The following KALRN variants were observed in gnomAD, a reference collection of about 807,000 sequenced individuals.
KALRN encodes the protein kalirin RhoGEF kinase.
In KALRN, 70 loss-of-function variants were observed where a neutral mutation model predicts 353.7. The ratio of observed to expected loss-of-function variants is 0.20; its 90% CI spans 0.16 to 0.24. The LOEUF (loss-of-function observed/expected upper bound fraction) is 0.24. Ranked by LOEUF, KALRN falls within the 10% of genes least tolerant of loss-of-function variation. KALRN has a pLI of 1.00. For synonymous variants in KALRN, 1,391 were observed against 1,434.8 expected, an observed-to-expected ratio of 0.97 and a Z score of 0.69; for missense variants, 2,791 against 3,756.7, an observed-to-expected ratio of 0.74 and a Z score of 6.72.
chr3:124,488,385 G>A, intron 29 of KALRN, 70 bp downstream of exon 29: 2 of 1,034,876 alleles, frequency 1.9e-6, no homozygotes, highest in Non-Finnish European at 3.1e-6. Flanking sequence ...ATCATGGGAG[G>A]GAAGTGGCAT....
intron 1 of KALRN, chr3:124,152,647 G>A: frequency 1.7e-6 from 1 of 572,902 alleles, no homozygotes; most frequent in Non-Finnish European, 3.0e-6. Flanking sequence ...AGGCTGGAGT[G>A]CAGTGGTGCA....
chr3:124,170,200 T>C (rs2071535981), intron 1 of KALRN, among the ~76,000 whole-genome samples: 1 of 152,226 alleles, frequency 6.6e-6, no homozygotes, highest in South Asian at 2.1e-4. Context: ...CCAAGGAACC[T>C]TTAGCGCCTT....
At chr3:124,411,959 G>A (rs1445225825) in intron 13 of KALRN, among the ~76,000 whole-genome samples, 2 of 152,146 alleles carry the variant, frequency 1.3e-5, no homozygotes, top group East Asian at 3.9e-4. Context: ...CTGAAAAGAT[G>A]TGGGGTGTGA....
In KALRN at chr3:124,513,116, CTTTG is replaced by C. The variant is rs533151220; in HGVS notation, c.4935+16708_4935+16711del. On this transcript the variant is annotated intron_variant, in intron 33 of 59. Coordinates refer to ENST00000682506, the MANE Select transcript of KALRN (RefSeq NM_001388419.1). ...AGGTTGTGAGCTGAAGAACTGGCAA[CTTTG>C]TTTGGTTGTGAAGGTCAGGAGCCTT... Among the ~76,000 whole-genome samples, 231 of 152,034 alleles carry C rather than the reference CTTTG, an allele frequency of 1.5e-3. 1 individual carries two copies. The highest frequency in any genetic ancestry group is 0.014 in the Middle Eastern group (4 of 294).
intron 3 of KALRN, among the ~76,000 whole-genome samples, chr3:124,259,980 G>C (rs1355001595): frequency 1.3e-5 from 2 of 152,132 alleles, no homozygotes; most frequent in Non-Finnish European, 2.9e-5. Context: ...TAATCTGTCT[G>C]AATCACCTGA....
At chr3:124,469,713 C>G (rs567322021) in intron 25 of KALRN, among the ~76,000 whole-genome samples, 43 of 152,260 alleles carry the variant, frequency 2.8e-4, no homozygotes, top group African/African-American at 8.9e-4. Context: ...TCCTCTTTTT[C>G]CCGTTGCCAC....
chr3:124,382,178 G>A (rs765960783), intron 10 of KALRN, among the ~76,000 whole-genome samples: 11 of 152,140 alleles, frequency 7.2e-5, no homozygotes, highest in East Asian at 1.9e-4. Context: ...GGGTTATTGC[G>A]AGGATTAAAG....
intron 1 of KALRN, among the ~76,000 whole-genome samples, chr3:124,053,572 A>G (rs2041242784): frequency 6.6e-6 from 1 of 152,218 alleles, no homozygotes; most frequent in South Asian, 2.1e-4. Context: ...AAAAGGGTTT[A>G]GCACTGCTCC....
intron 1 of KALRN, chr3:124,096,755 T>G (rs112655024): frequency 3.3e-5 from 5 of 152,318 alleles, no homozygotes; most frequent in African/African-American, 1.2e-4. Flanking sequence ...TCTTAAAAAT[T>G]GGAATATTAA....
chr3:124,471,371 C>T (rs1301037008), intron 25 of KALRN, among the ~76,000 whole-genome samples: 7 of 151,426 alleles, frequency 4.6e-5, no homozygotes, highest in African/African-American at 1.5e-4. Context: ...TGCAACCCTC[C>T]GCCTCCCAGG....
At chr3:124,603,855 A>T (rs569994726) in intron 34 of KALRN, among the ~76,000 whole-genome samples, 31 of 152,308 alleles carry the variant, frequency 2.0e-4, no homozygotes, top group Admixed American at 1.9e-3. Flanking sequence ...GTATCTAACT[A>T]TGCCCTCCCA....
chr3:124,221,175 C>T (rs1287303106), intron 1 of KALRN, among the ~76,000 whole-genome samples: 1 of 152,212 alleles, frequency 6.6e-6, no homozygotes, highest in Non-Finnish European at 1.5e-5. Context: ...TGAGTAAAAC[C>T]CCTTCATCCA....
At chr3:124,184,575 A>G (rs1350042300) in intron 1 of KALRN, among the ~76,000 whole-genome samples, 1 of 152,140 alleles carries the variant, frequency 6.6e-6, no homozygotes, top group South Asian at 2.1e-4. Flanking sequence ...AAAACTGCAC[A>G]TTCCTGAAGA....
chr3:124,667,168 C>T lies in KALRN; in HGVS notation c.6688C>T (p.Arg2230Ter). 1 of 1,613,752 alleles carries T rather than the reference C, an allele frequency of 6.2e-7. No homozygotes were observed. Among genetic ancestry groups the T allele is most frequent in the Non-Finnish European group, 8.5e-7 (1 of 1,179,776 alleles). The change falls in exon 47 of 60, where the codon CGA (arginine) becomes TGA (stop). Residue 2230 changes from arginine to a stop codon, truncating the protein, a stop_gained. Coordinates refer to ENST00000682506, the MANE Select transcript of KALRN (RefSeq NM_001388419.1). LOFTEE classifies it high-confidence loss of function. ...QDINQVLETQRDFLNALQSPI... is the reference protein window; with the variant it reads ...QDINQVLETQ Reference sequence around the variant, plus strand: ...CATCAATCAAGTCTTAGAAACACAGCGAGACTTTTTGAATGGTGGGTGCTG... The same window carrying T: ...CATCAATCAAGTCTTAGAAACACAGTGAGACTTTTTGAATGGTGGGTGCTG...
intron 1 of KALRN, among the ~76,000 whole-genome samples, chr3:124,220,294 C>T (rs955330523): frequency 3.3e-5 from 5 of 151,976 alleles, no homozygotes; most frequent in African/African-American, 7.3e-5. Context: ...TAGTCACTGG[C>T]GGCATTTTTC....
chr3:124,668,832 ATT>A (rs200973838), intron 47 of KALRN, among the ~76,000 whole-genome samples: 1,781 of 152,324 alleles, frequency 0.012, 28 homozygotes, highest in African/African-American at 0.039. Flanking sequence ...TGATAAAATA[ATT>A]TTATGCAAAA....
At chr3:124,252,272 G>C (rs1252356655) in intron 3 of KALRN, among the ~76,000 whole-genome samples, 2 of 151,982 alleles carry the variant, frequency 1.3e-5, no homozygotes, top group Non-Finnish European at 2.9e-5. Flanking sequence ...CTGGAATAAG[G>C]CAGTTGACAG....
At chr3:124,415,195 CT>C (rs1336639501) in intron 14 of KALRN, among the ~76,000 whole-genome samples, 1 of 152,252 alleles carries the variant, frequency 6.6e-6, no homozygotes, top group African/African-American at 2.4e-5. Context: ...ACCTTGCAGT[CT>C]GTCTGGGGAC....
At chr3:124,314,142 CAT>C (rs1160839992) in intron 6 of KALRN, among the ~76,000 whole-genome samples, 1 of 152,000 alleles carries the variant, frequency 6.6e-6, no homozygotes, top group East Asian at 1.9e-4. Context: ...AAATGTGGCA[CAT>C]ATACACCATG....
Sources: gnomAD v4.1 joint callset for allele counts (sites outside exome capture counted in the v4.1 genomes callset) on GRCh38, gnomAD v4.1.1 for gene constraint, MANE v1.5 for transcripts, NCBI Gene and HGNC (gene_info 2026-07-23, HGNC 2026-07-21) for gene names.